Variants in PLA2G4B observed in about 807,000 individuals in gnomAD.
The protein encoded by PLA2G4B is cytosolic phospholipase A2 beta.
In PLA2G4B, 122 loss-of-function variants were observed where a neutral mutation model predicts 95.8. The ratio of observed to expected loss-of-function variants is 1.27; its 90% CI spans 1.10 to 1.48. The LOEUF is 1.48. Ranked by LOEUF, PLA2G4B falls within the 40% of genes most tolerant of loss-of-function variation. The pLI, the probability that PLA2G4B is intolerant of heterozygous loss-of-function variation, is 0.00. For missense variants in PLA2G4B, 1,158 were observed against 996.2 expected, an observed-to-expected ratio of 1.16 and a Z score of -2.19; for synonymous variants, 518 against 421.5, an observed-to-expected ratio of 1.23 and a Z score of -2.80.
At position 41,841,398 on chromosome 15, in the gene PLA2G4B, A is replaced by G. The variant is rs2065429885; in HGVS notation, c.436-119A>G. ...CCTGGGATTTCAGTTTGTTAAGGGAATACAATCTCAAGGGCCCAGGTAATG... is the reference window on the plus strand; with the variant it reads ...CCTGGGATTTCAGTTTGTTAAGGGAGTACAATCTCAAGGGCCCAGGTAATG... On this transcript the variant is annotated intron_variant, in intron 6 of 19. Coordinates refer to ENST00000458483, the MANE Select transcript of PLA2G4B (RefSeq NM_001114633.2). 2.5e-5 allele frequency: 40 copies of G among 1,607,386 alleles called. No individual in the cohort carries two copies. In the South Asian group the frequency reaches 4.3e-4, roughly 17 times the overall value.
At position 41,842,589 on chromosome 15, in the gene PLA2G4B, A is replaced by AG; in HGVS notation, c.743+1dup. 1 of 1,607,136 alleles carries AG rather than the reference A, an allele frequency of 6.2e-7. No homozygotes were observed. Among genetic ancestry groups the AG allele is most frequent in the African/African-American group, 1.3e-5 (1 of 74,344 alleles). On this transcript the variant is annotated frameshift_variant and splice_region_variant, in exon 10 of 20. Coordinates refer to ENST00000458483, the MANE Select transcript of PLA2G4B (RefSeq NM_001114633.2). LOFTEE classifies it high-confidence loss of function. ...TGAGAGTGGAGCTGAAAAAAGAAGC[A>AG]GGGTGAGAGGCCTGGCTGGGGACTG...
chr15:41,847,320 T>C lies in PLA2G4B; in HGVS notation c.1948-17T>C. The C allele has an allele frequency of 8.8e-6, 14 of 1,583,754 alleles. No individual in the cohort carries two copies. Among genetic ancestry groups the C allele is most frequent in the Non-Finnish European group, 1.2e-5 (14 of 1,161,576 alleles). The stretch of plus-strand genomic sequence containing the variant: ...AGGGGCCCTGTCCCTCTGAAGCCCC[T>C]TCTGCCTGCCCTGCAGCAGTTGCAG... On this transcript the variant is annotated splice_polypyrimidine_tract_variant and intron_variant, in intron 18 of 19. Transcript: ENST00000458483.
intron 9 of PLA2G4B, 24 bp downstream of exon 9, chr15:41,842,300 G>A: frequency 3.1e-6 from 5 of 1,613,206 alleles, no homozygotes; most frequent in Non-Finnish European, 4.2e-6. Flanking sequence ...AGGGAAGGAA[G>A]CAAGGCGCCT....
chr15:41,840,122 G>T, intron 1 of PLA2G4B, 36 bp from the exon 2 acceptor site: 1 of 1,605,298 alleles, frequency 6.2e-7, no homozygotes, highest in Non-Finnish European at 8.5e-7. Context: ...TGGCTTCATC[G>T]GCCCGTAGCA....
chr15:41,839,966 T>G, intron 1 of PLA2G4B, 192 bp from the exon 2 acceptor site: 5 of 639,844 alleles, frequency 7.8e-6, no homozygotes, highest in Non-Finnish European at 1.1e-5. Flanking sequence ...GCGCAGAGCA[T>G]TGTGTAAGTG....
chr15:41,845,872 G>A lies in PLA2G4B; in HGVS notation c.1496-71G>A, dbSNP rs181773519. The A allele has an allele frequency of 6.8e-4, 1,029 of 1,520,512 alleles. 9 individuals are homozygous for A. In the African/African-American group the frequency reaches 0.013, roughly 20 times the overall value. The allele number at this position is 1,520,512 out of a possible 1,614,324, so 94.2% of individuals were successfully genotyped here. On this transcript the variant is annotated intron_variant, in intron 15 of 19. Transcript: ENST00000458483. Reference sequence around the variant, plus strand: ...CGGTCAGAAGAGTTTCCTGGGCCAGGACTGGCCATGGGGAAGGGTAGGATT... The same window carrying A: ...CGGTCAGAAGAGTTTCCTGGGCCAGAACTGGCCATGGGGAAGGGTAGGATT...
In PLA2G4B at chr15:41,842,620, G is replaced by T. The variant is rs372608343; in HGVS notation, c.743+29G>T. 4.8e-5 allele frequency: 77 copies of T among 1,606,134 alleles called. No homozygotes were observed. In the Admixed American group the frequency reaches 6.7e-4, roughly 14 times the overall value. ...AGAGGCCTGGCTGGGGACTGGGCAAGGCCCTGGAAAACAACCAGGGTGCGG... is the reference window on the plus strand; with the variant it reads ...AGAGGCCTGGCTGGGGACTGGGCAATGCCCTGGAAAACAACCAGGGTGCGG... On this transcript the variant is annotated intron_variant, in intron 10 of 19. Transcript: ENST00000458483.
chr15:41,846,137 C>A, intron 16 of PLA2G4B, 66 bp from the exon 17 acceptor site: 1 of 1,589,638 alleles, frequency 6.3e-7, no homozygotes, highest in Non-Finnish European at 8.6e-7. Flanking sequence ...CTTCCCCCTC[C>A]AGGGTCACCA....
At position 41,845,044 on chromosome 15, in the gene PLA2G4B, A is replaced by C; in HGVS notation, c.1213A>C (p.Ile405Leu). The C allele has an allele frequency of 6.3e-7, 1 of 1,598,884 alleles. No homozygotes were observed. The highest frequency in any genetic ancestry group is 8.5e-7 in the Non-Finnish European group (1 of 1,172,356). Reference protein sequence around the residue: ...PSCFTNLWALINEALLHDEPH... With the variant: ...PSCFTNLWALLNEALLHDEPH... ...CTGCTTCACCAACCTGTGGGCCCTC[A>C]TCAACGAGGCGCTGCTGCATGATGA... Residue 405 changes from isoleucine to leucine, a missense_variant, in exon 13 of 20, where the codon ATC becomes CTC. By Grantham distance (5) the Ile-to-Leu change is conservative. Coordinates refer to ENST00000458483, the MANE Select transcript of PLA2G4B (RefSeq NM_001114633.2).
Position 41,848,020 on chromosome 15 carries a change from G to C in PLA2G4B, c.*160G>C. 2.0e-6 allele frequency: 2 copies of C among 1,014,066 alleles called. No homozygotes were observed. Among genetic ancestry groups the C allele is most frequent in the Non-Finnish European group, 2.8e-6 (2 of 712,010 alleles). 62.8% of individuals were successfully genotyped at this position (1,014,066 alleles called of 1,614,324 possible). A position where few individuals can be genotyped will look rare whatever the true frequency, so the allele number is the denominator to read the frequency against. On this transcript the variant is annotated 3_prime_UTR_variant, in exon 20 of 20. Transcript: ENST00000458483. ...GAGCTCCCTTGCGCCTCAGCAGTTT[G>C]CAGTGGGGTAAGGAGGCCAAGCCCA...
rs370684515 is a variant in PLA2G4B at position 41,847,820 on chromosome 15, G to A, written c.2306G>A (p.Arg769His). The A allele has an allele frequency of 3.2e-5, 52 of 1,613,052 alleles. No individual in the cohort carries two copies. Among genetic ancestry groups the A allele is most frequent in the South Asian group, 6.6e-5 (6 of 91,086 alleles). ...NNQEQLLEAL[R>H]QAVQRRRQRR... ...CAGGAGCAGCTGCTGGAGGCTCTGCGCCAGGCAGTGCAGCGGAGGCGGCAG... is the reference window on the plus strand; with the variant it reads ...CAGGAGCAGCTGCTGGAGGCTCTGCACCAGGCAGTGCAGCGGAGGCGGCAG... The change falls in exon 20 of 20, where the codon CGC becomes CAC. Residue 769 changes from arginine to histidine, a missense_variant. Transcript: ENST00000458483.
In PLA2G4B at chr15:41,840,321, G is replaced by A. The variant is rs578013087; in HGVS notation, c.82+91G>A. ...TGCTGTGGCTGGATTTGGTGGAGGC[G>A]GGTGGGCCGGTGGGCAGGGCCTAGA... On this transcript the variant is annotated intron_variant, in intron 2 of 19. Transcript: ENST00000458483. The A allele has an allele frequency of 1.0e-4, 160 of 1,584,284 alleles. No homozygotes were observed. The East Asian group carries it at 1.1e-3, about 11-fold the overall frequency.
At chr15:41,842,935 T>A (rs2065461889) in intron 10 of PLA2G4B, 2 of 297,640 alleles carry the variant, frequency 6.7e-6, no homozygotes, top group East Asian at 8.6e-5. Context: ...GAGGGGAAAT[T>A]GCGCCCTTTT....
rs371108536 is a variant in PLA2G4B at position 41,841,894 on chromosome 15, C to G, written c.566C>G (p.Thr189Ser). The G allele has an allele frequency of 6.2e-7, 1 of 1,613,350 alleles. No homozygotes were observed. Among genetic ancestry groups the G allele is most frequent in the South Asian group, 1.1e-5 (1 of 90,930 alleles). ...GPQEASVGTG[T>S]FRFHCPACWE... ...CAGGAGGCCTCTGTGGGCACTGGCA[C>G]CTTCCGCTTCCACTGCCCAGCCTGC... Residue 189 changes from threonine to serine, a missense_variant, in exon 8 of 20, where the codon ACC (threonine) becomes AGC (serine). Coordinates refer to ENST00000458483, the MANE Select transcript of PLA2G4B (RefSeq NM_001114633.2).
At chr15:41,847,566 C>G in intron 19 of PLA2G4B, 43 bp downstream of exon 19, 1 of 1,605,504 alleles carries the variant, frequency 6.2e-7, no homozygotes, top group Non-Finnish European at 8.5e-7. Context: ...CCCAGTCCCC[C>G]ACACCTCCTC....
intron 6 of PLA2G4B, 33 bp from the exon 7 acceptor site, chr15:41,841,484 G>T (rs1595419623): frequency 6.2e-7 from 1 of 1,613,936 alleles, no homozygotes; most frequent in South Asian, 1.1e-5. Context: ...GGGGGGTGGG[G>T]TTAGTGTCTG....
Position 41,845,645 on chromosome 15 carries a change from CG to C in PLA2G4B, c.1366del (p.Glu456SerfsTer30). 1 of 1,614,120 alleles carries C rather than the reference CG, an allele frequency of 6.2e-7. No homozygotes were observed. Among genetic ancestry groups the C allele is most frequent in the Non-Finnish European group, 8.5e-7 (1 of 1,180,000 alleles). On this transcript the variant is annotated frameshift_variant, in exon 15 of 20. Coordinates refer to ENST00000458483, the MANE Select transcript of PLA2G4B (RefSeq NM_001114633.2). LOFTEE classifies it high-confidence loss of function. ...LTTFEFGEWC[E>X]FSPYEVGFPK... ...GGCGTGGACTCCTCACAGAGTGGTGCGAGTTCTCTCCCTACGAGGTCGGCTT... is the reference window on the plus strand; with the variant it reads ...GGCGTGGACTCCTCACAGAGTGGTGCAGTTCTCTCCCTACGAGGTCGGCTT...
chr15:41,841,052 C>T lies in PLA2G4B; in HGVS notation c.352-3C>T. On this transcript the variant is annotated splice_region_variant and splice_polypyrimidine_tract_variant and intron_variant, in intron 4 of 19. Transcript: ENST00000458483. The stretch of plus-strand genomic sequence containing the variant: ...TCTAACTTACTTCTGGCTCTCTTCC[C>T]AGGGTGAGGGGCGCCTGGAAGTTGA... The T allele has an allele frequency of 6.3e-7, 1 of 1,576,996 alleles. No homozygotes were observed.
chr15:41,843,570 G>GGCA, intron 10 of PLA2G4B, 106 bp from the exon 11 acceptor site: 4 of 1,519,780 alleles, frequency 2.6e-6, no homozygotes, highest in Non-Finnish European at 3.5e-6. Flanking sequence ...ATTGAGGGTT[G>GGCA]GGGAGAAGAG....
Sources: allele counts gnomAD v4.1 joint callset, GRCh38; gene constraint gnomAD v4.1.1; transcripts MANE v1.5; gene names NCBI Gene and HGNC (gene_info 2026-07-23, HGNC 2026-07-21).